MATN4: variants seen among roughly 807,000 people sequenced by gnomAD.
MATN4 encodes the protein matrilin-4.
In MATN4, 40 loss-of-function variants were observed where a neutral mutation model predicts 54.6. That is an observed-to-expected ratio of 0.73 (90% CI 0.57 to 0.95). MATN4 has a LOEUF of 0.95. Ranked by LOEUF, MATN4 falls within the 40% of genes least tolerant of loss-of-function variation. The probability of loss-of-function intolerance (pLI) is 0.00; values close to 1 mark genes in which losing one functional copy is unlikely to be tolerated. For missense variants in MATN4, 810 were observed against 819.1 expected (o/e 0.99, Z 0.13); for synonymous variants, 351 against 345.3 (o/e 1.02, Z -0.18).
At chr20:45,306,758 C>A (rs1357479976) in intron 1 of MATN4, 1 of 494,116 alleles carries the variant, frequency 2.0e-6, no homozygotes, top group Non-Finnish European at 3.3e-6. Flanking sequence ...GTGCGCCCAC[C>A]CCGAGCAAAC....
intron 1 of MATN4, among the ~76,000 whole-genome samples, chr20:45,306,459 C>T (rs532562886): frequency 6.6e-6 from 1 of 152,356 alleles, no homozygotes; most frequent in East Asian, 1.9e-4. Flanking sequence ...CCACCTCGGC[C>T]CACTCCCCTA....
chr20:45,297,858 G>A, intron 8 of MATN4, 60 bp downstream of exon 8: 4 of 1,591,996 alleles, frequency 2.5e-6, no homozygotes, highest in Non-Finnish European at 2.6e-6. Context: ...GAATAGGAAG[G>A]GGAGATATCA....
chr20:45,305,092 T>A (rs1043438899), intron 2 of MATN4, among the ~76,000 whole-genome samples: 4 of 152,048 alleles, frequency 2.6e-5, no homozygotes, highest in African/African-American at 7.2e-5. Flanking sequence ...GGAACATGGA[T>A]GAACTGGTTG....
chr20:45,303,238 G>A (rs1321128519), intron 3 of MATN4: 1 of 561,234 alleles, frequency 1.8e-6, no homozygotes, highest in Non-Finnish European at 3.3e-6. Flanking sequence ...TGTGACCCCA[G>A]GCAATACCTT....
chr20:45,298,542 C>A lies in MATN4; in HGVS notation c.1054G>T (p.Gly352Cys). 6.3e-7 allele frequency: 1 copy of A among 1,592,004 alleles called. No individual in the cohort carries two copies. The highest frequency in any genetic ancestry group is 1.1e-5 in the South Asian group (1 of 88,714). ...TTTTGTGGACGCACGCTCTTGGAGC[C>A]ATCAACCAGCAGAACAAGGTCCACG... ...GHVDLVLLVDGSKSVRPQNFE... is the reference protein window; with the variant it reads ...GHVDLVLLVDCSKSVRPQNFE... The change falls in exon 7 of 10, where the codon GGC (glycine) becomes TGC (cysteine). Residue 352 changes from glycine (G) to cysteine (C), a missense_variant. Transcript: ENST00000372756. The surrounding 1 kb of genome is among the most constrained non-coding windows in gnomAD (Gnocchi z 4.6).
At position 45,298,234 on chromosome 20, in the gene MATN4, C is replaced by A. The variant is rs1279132898; in HGVS notation, c.1362G>T (p.Leu454=). 6.2e-7 allele frequency: 1 copy of A among 1,610,120 alleles called. No individual in the cohort carries two copies. Among genetic ancestry groups the A allele is most frequent in the South Asian group, 1.1e-5 (1 of 90,910 alleles). Residue 454 remains leucine, a synonymous_variant, in exon 7 of 10, where the codon CTG becomes CTT. Coordinates refer to ENST00000372756, the MANE Select transcript of MATN4 (RefSeq NM_001393530.1). This position sits in a 1 kb window ranked among gnomAD's most constrained non-coding sequence, Gnocchi z 4.6. ...CCTGGGAGCGGCCATCCGTGAAGAC[C>A]AGGCCAACACGAGGCACGTTAAGGG... ...PRALNVPRVG[L]VFTDGRSQDD...
chr20:45,301,080 A>G (rs773045831), intron 5 of MATN4, 22 bp downstream of exon 5: 4 of 1,613,784 alleles, frequency 2.5e-6, no homozygotes, highest in Non-Finnish European at 3.4e-6. Flanking sequence ...CCCTCCCACA[A>G]ATGTAGGAGA....
upstream of MATN4, chr20:45,308,395 C>T (rs373514399): frequency 3.4e-5 from 21 of 610,746 alleles, no homozygotes; most frequent in African/African-American, 2.2e-4. Context: ...GGGAGGGATC[C>T]CCCCTTCCTC....
In MATN4 at chr20:45,293,678, G is replaced by C. The variant is rs1469733680; in HGVS notation, c.*89C>G. 6 of 1,293,240 alleles carry C rather than the reference G, an allele frequency of 4.6e-6. No homozygotes were observed. The highest frequency in any genetic ancestry group is 6.2e-6 in the Non-Finnish European group (6 of 962,926). 80.1% of individuals were successfully genotyped at this position (1,293,240 alleles called of 1,614,324 possible). On this transcript the variant is annotated 3_prime_UTR_variant, in exon 10 of 10. Coordinates refer to ENST00000372756, the MANE Select transcript of MATN4 (RefSeq NM_001393530.1). ...GACAGCCCAAGCCGGACGGGCCCAG[G>C]TTCTGCCTGGCCCCGGCGCACCGAT...
At chr20:45,308,527 A>C, upstream of MATN4, 1 of 475,224 alleles carries the variant, frequency 2.1e-6, no homozygotes, top group Non-Finnish European at 3.9e-6. Flanking sequence ...GGGCAGCCAC[A>C]CTCCACAGCC....
At position 45,299,980 on chromosome 20, in the gene MATN4, G is replaced by GGT. The variant is rs55652446; in HGVS notation, c.1012+905_1012+906dup. 5.0e-3 allele frequency among the ~76,000 whole-genome samples: 575 copies of GGT among 114,832 alleles called. 4 individuals are homozygous for GGT. Among genetic ancestry groups the GGT allele is most frequent in the Admixed American group, 0.015 (185 of 12,092 alleles). The allele number at this position is 114,832 out of a possible 152,430, so 75.3% of individuals were successfully genotyped here. A position where few individuals can be genotyped will look rare whatever the true frequency, so the allele number is the denominator to read the frequency against. ...GTGTGTGTGGGTGTGTGTGTGTAGG[G>GGT]GTGTGTGTGTGTGTGTGTGTGTTGG... On this transcript the variant is annotated intron_variant, in intron 6 of 9. Transcript: ENST00000372756.
chr20:45,303,082 CAAA>C (rs79635257), intron 3 of MATN4, among the ~76,000 whole-genome samples: 3 of 82,916 alleles, frequency 3.6e-5, no homozygotes, highest in Non-Finnish European at 4.8e-5. Context: ...GACTCTGTCT[CAAA>C]AAAAAAAAAA....
At chr20:45,307,267 G>A (rs1341110396) in intron 1 of MATN4, among the ~76,000 whole-genome samples, 1 of 152,042 alleles carries the variant, frequency 6.6e-6, no homozygotes, top group Non-Finnish European at 1.5e-5. Context: ...CAGCAGCTCC[G>A]CCCCCGCCCC....
intron 3 of MATN4, among the ~76,000 whole-genome samples, chr20:45,302,557 G>T (rs1986297894): frequency 6.6e-6 from 1 of 152,040 alleles, no homozygotes; most frequent in African/African-American, 2.4e-5. Flanking sequence ...GATCTCTTGA[G>T]CCCAGGAGTG....
chr20:45,303,082 C>CAAAAAAAAAAAA (rs79635257), intron 3 of MATN4, among the ~76,000 whole-genome samples: 1 of 82,928 alleles, frequency 1.2e-5, no homozygotes, highest in Non-Finnish European at 2.4e-5. Context: ...GACTCTGTCT[C>CAAAAAAAAAAAA]AAAAAAAAAA....
chr20:45,300,275 TC>T (rs1986141954), intron 6 of MATN4, among the ~76,000 whole-genome samples: 1 of 151,954 alleles, frequency 6.6e-6, no homozygotes, highest in African/African-American at 2.4e-5. Flanking sequence ...TCCTGACACA[TC>T]CGGGGAGGGG....
intron 8 of MATN4, 128 bp downstream of exon 8, chr20:45,297,790 G>T: frequency 1.5e-5 from 18 of 1,205,838 alleles, no homozygotes; most frequent in Non-Finnish European, 2.1e-5. Context: ...ATTTGGAGTA[G>T]CAAAGCTCTG....
intron 8 of MATN4, among the ~76,000 whole-genome samples, chr20:45,296,142 C>A (rs763631260): frequency 1.4e-5 from 2 of 138,000 alleles, no homozygotes; most frequent in Non-Finnish European, 3.0e-5. Flanking sequence ...TTGAACCTGG[C>A]AGGCAGAGGT....
chr20:45,306,674 C>T (rs1986708948), intron 1 of MATN4, among the ~76,000 whole-genome samples: 2 of 152,274 alleles, frequency 1.3e-5, no homozygotes, highest in East Asian at 3.8e-4. Context: ...CTGTTTCCCG[C>T]CTGCTCTCAG....
Sources: allele counts gnomAD v4.1 joint callset (sites outside exome capture counted in the v4.1 genomes callset), GRCh38; gene constraint gnomAD v4.1.1; non-coding constraint Gnocchi (gnomAD v3.1); transcripts MANE v1.5; gene names NCBI Gene and HGNC (gene_info 2026-07-23, HGNC 2026-07-21).